Variants in HNF4A observed in about 807,000 individuals in gnomAD.
HNF4A encodes the protein hepatocyte nuclear factor 4-alpha.
Under a neutral mutation model 52.4 loss-of-function variants are expected in HNF4A, and 15 were observed. The observed-to-expected ratio is 0.29, with a 90% CI of 0.19 to 0.44. The LOEUF (loss-of-function observed/expected upper bound fraction) is 0.44, where lower values mean the gene tolerates loss of function less well. Ranked by LOEUF, HNF4A falls within the 20% of genes least tolerant of loss-of-function variation. The pLI is 1.00. For missense variants in HNF4A, 479 were observed against 647.2 expected (o/e 0.74, Z 2.82); for synonymous variants, 280 against 264.4 (o/e 1.06, Z -0.57).
At position 44,431,263 on chromosome 20, in the gene HNF4A, G is replaced by A. The variant is rs954236033; in HGVS notation, c.*1598G>A. On this transcript the variant is annotated 3_prime_UTR_variant, in exon 10 of 10. Coordinates refer to ENST00000316099, the MANE Select transcript of HNF4A (RefSeq NM_000457.6). Reference sequence around the variant, plus strand: ...GAGGGGCTTCCGGCTCCCTTCTACAGCCTCAGAAACCAGACTCGTTCTTCT... The same window carrying A: ...GAGGGGCTTCCGGCTCCCTTCTACAACCTCAGAAACCAGACTCGTTCTTCT... 6.6e-6 allele frequency: 1 copy of A among 152,268 alleles called. No homozygotes were observed. The highest frequency in any genetic ancestry group is 1.5e-5 in the Non-Finnish European group (1 of 68,046). The allele number at this position is 152,268 out of a possible 1,614,324, so 9.4% of individuals were successfully genotyped here. A position where few individuals can be genotyped will look rare whatever the true frequency, so the allele number is the denominator to read the frequency against.
rs775312521 is a variant in HNF4A at position 44,424,269 on chromosome 20, C to T, written c.1129+15C>T. 4.3e-6 allele frequency: 7 copies of T among 1,613,440 alleles called. No homozygotes were observed. In the East Asian group the frequency reaches 1.6e-4, roughly 36 times the overall value. On this transcript the variant is annotated intron_variant, in intron 8 of 9. Coordinates refer to ENST00000316099, the MANE Select transcript of HNF4A (RefSeq NM_000457.6). ...GCTGCTGGGAGGTCCGTGCCAAGCCCAGGAGGGGCGGGGTTGGAGTGGGGA... is the reference window on the plus strand; with the variant it reads ...GCTGCTGGGAGGTCCGTGCCAAGCCTAGGAGGGGCGGGGTTGGAGTGGGGA...
intron 1 of HNF4A, chr20:44,384,421 A>C (rs2063194396): frequency 6.6e-6 from 1 of 152,036 alleles, no homozygotes; most frequent in South Asian, 2.1e-4. Flanking sequence ...AATTAGTGAA[A>C]CTTTGGAAAG....
In HNF4A at chr20:44,357,066, T is replaced by G. The variant is rs533708503; in HGVS notation, c.49+1213T>G. ...AATCAACATTTATGTCATCAATTGC[T>G]GAGGACAGAGGGCCAGGGAATGACA... On this transcript the variant is annotated intron_variant, in intron 1 of 9. Transcript: ENST00000316673. Among the ~76,000 whole-genome samples, 12 of 152,316 alleles carry G rather than the reference T, an allele frequency of 7.9e-5. No individual in the cohort carries two copies. The East Asian group carries it at 2.3e-3, about 29-fold the overall frequency.
chr20:44,395,458 A>G (rs2063344945), intron 1 of HNF4A: 1 of 152,338 alleles, frequency 6.6e-6, no homozygotes, highest in Non-Finnish European at 1.5e-5. Context: ...CCTACCTGGT[A>G]TCTGCCGTTG....
chr20:44,390,745 A>G (rs2063292876), intron 1 of HNF4A: 3 of 685,948 alleles, frequency 4.4e-6, no homozygotes, highest in Non-Finnish European at 8.0e-6. Context: ...ACACAGAACC[A>G]AGGGGGAGGA....
chr20:44,371,026 A>G (rs578256557), intron 1 of HNF4A, among the ~76,000 whole-genome samples: 34 of 152,286 alleles, frequency 2.2e-4, no homozygotes, highest in African/African-American at 7.7e-4. Context: ...AGGTGGGGAG[A>G]CAGGGAGAGA....
chr20:44,428,089 T>C (rs1490394407), intron 8 of HNF4A, among the ~76,000 whole-genome samples: 1 of 152,194 alleles, frequency 6.6e-6, no homozygotes, highest in Non-Finnish European at 1.5e-5. Context: ...AGAGCTTCCT[T>C]ATATGCACCT....
At chr20:44,369,345 G>A (rs367878893) in intron 1 of HNF4A, among the ~76,000 whole-genome samples, 4 of 150,112 alleles carry the variant, frequency 2.7e-5, no homozygotes, top group African/African-American at 7.4e-5. Flanking sequence ...TGGGGGGATC[G>A]TTTGAACCCA....
intron 1 of HNF4A, among the ~76,000 whole-genome samples, chr20:44,367,561 A>G (rs748990174): frequency 4.6e-5 from 7 of 151,022 alleles, no homozygotes; most frequent in Non-Finnish European, 8.8e-5. Context: ...GAATCGCTTG[A>G]ACCCAGGAGG....
chr20:44,374,993 C>T (rs1204739387), intron 1 of HNF4A, among the ~76,000 whole-genome samples: 1 of 152,112 alleles, frequency 6.6e-6, no homozygotes, highest in Non-Finnish European at 1.5e-5. Context: ...CACAGCCTTG[C>T]CAACATCTGT....
intron 1 of HNF4A, among the ~76,000 whole-genome samples, chr20:44,402,058 G>A (rs899402650): frequency 2.0e-5 from 3 of 152,098 alleles, no homozygotes; most frequent in Non-Finnish European, 2.9e-5. Flanking sequence ...GTGTGCGTTC[G>A]TGTGTGATAG....
chr20:44,394,253 C>T (rs1302680748), intron 1 of HNF4A, among the ~76,000 whole-genome samples: 2 of 152,152 alleles, frequency 1.3e-5, no homozygotes, highest in Admixed American at 1.3e-4. Flanking sequence ...GAGAGCCCAC[C>T]ATTCATTCCC....
chr20:44,370,148 C>T (rs1396696287), intron 1 of HNF4A, among the ~76,000 whole-genome samples: 1 of 152,296 alleles, frequency 6.6e-6, no homozygotes, highest in East Asian at 1.9e-4. Context: ...CGCCTCAGCC[C>T]CCCCAAGTAG....
At chr20:44,419,677 A>G (rs577733353) in intron 6 of HNF4A, 44 bp from the exon 7 acceptor site, 1 of 1,605,200 alleles carries the variant, frequency 6.2e-7, no homozygotes, top group Admixed American at 1.7e-5. Context: ...AGAGGGGTCA[A>G]CCCAAGGTGA....
chr20:44,407,287 G>C (rs1415189135), intron 2 of HNF4A, 94 bp from the exon 3 acceptor site: 3 of 885,596 alleles, frequency 3.4e-6, no homozygotes, highest in Non-Finnish European at 5.6e-6. Flanking sequence ...AGAGCACTGA[G>C]GTTGGGGGGT....
chr20:44,406,276 G>A, intron 2 of HNF4A, 44 bp downstream of exon 2: 1 of 1,571,326 alleles, frequency 6.4e-7, no homozygotes, highest in Non-Finnish European at 8.7e-7. Flanking sequence ...GGCACACTTG[G>A]GCTCATGGCC....
rs141532986 is a variant in HNF4A, at chr20:44,365,868, C to T, written c.49+10015C>T. ...CAAAAAACACAAAAATTAGCTGGGC[C>T]TGGTGGTACACGCCTGTAGTCCCAC... On this transcript the variant is annotated intron_variant, in intron 1 of 9. Coordinates refer to the HNF4A transcript ENST00000316673. 3.1e-3 allele frequency among the ~76,000 whole-genome samples: 464 copies of T among 152,042 alleles called. 5 individuals carry two copies. Among genetic ancestry groups the T allele is most frequent in the African/African-American group, 0.01 (415 of 41,480 alleles).
chr20:44,369,608 A>C (rs2063010643), intron 1 of HNF4A, among the ~76,000 whole-genome samples: 1 of 152,086 alleles, frequency 6.6e-6, no homozygotes, highest in African/African-American at 2.4e-5. Context: ...TCCCAGCTGA[A>C]ACTCCTCCAA....
intron 1 of HNF4A, among the ~76,000 whole-genome samples, chr20:44,356,834 C>A (rs73275342): frequency 0.017 from 2,577 of 152,196 alleles, 79 homozygotes; most frequent in African/African-American, 0.059. Context: ...TAAACCTGTT[C>A]AAATCACACA....
Sources: gnomAD v4.1 joint callset for allele counts (sites outside exome capture counted in the v4.1 genomes callset) on GRCh38, gnomAD v4.1.1 for gene constraint, MANE v1.5 for transcripts, NCBI Gene and HGNC (gene_info 2026-07-23, HGNC 2026-07-21) for gene names.